Variants in DOK5 observed in about 807,000 individuals in gnomAD.
The protein encoded by DOK5 is docking protein 5, also known as downstream of tyrosine kinase 5.
A neutral mutation model predicts 43.3 loss-of-function variants in DOK5; 27 were observed. The observed-to-expected ratio is 0.62, with a 90% CI of 0.46 to 0.86. The LOEUF (loss-of-function observed/expected upper bound fraction) is 0.86, where lower values mean the gene tolerates loss of function less well. DOK5 is among the 40% of genes least tolerant of loss of function. The probability of loss-of-function intolerance (pLI) is 0.00; values close to 1 mark genes in which losing one functional copy is unlikely to be tolerated. For missense variants in DOK5, 373 were observed against 392.9 expected (o/e 0.95, Z 0.43); for synonymous variants, 146 against 140.1 (o/e 1.04, Z -0.30).
chr20:54,567,141 A>T (rs1985126804), intron 2 of DOK5, among the ~76,000 whole-genome samples: 1 of 151,538 alleles, frequency 6.6e-6, no homozygotes. Flanking sequence ...TTTTTCTTTC[A>T]CCCTCTTAAC....
intron 2 of DOK5, among the ~76,000 whole-genome samples, chr20:54,555,885 T>C (rs933081400): frequency 1.3e-5 from 2 of 152,242 alleles, no homozygotes; most frequent in African/African-American, 4.8e-5. Flanking sequence ...TAAAATTTTA[T>C]GCGAAACCAG....
intron 1 of DOK5, among the ~76,000 whole-genome samples, chr20:54,492,213 G>T (rs1161233512): frequency 6.6e-6 from 1 of 152,074 alleles, no homozygotes; most frequent in Non-Finnish European, 1.5e-5. Context: ...ACTTCCTGGG[G>T]TTAGTCATTC....
At chr20:54,645,300 TGCCC>T in intron 7 of DOK5, among the ~76,000 whole-genome samples, 4 of 134,814 alleles carry the variant, frequency 3.0e-5, no homozygotes, top group South Asian at 2.6e-4. Flanking sequence ...CAGTCCTCCA[TGCCC>T]GCTCTGAACC....
chr20:54,492,282 G>A (rs1227332190), intron 1 of DOK5, among the ~76,000 whole-genome samples: 8 of 152,202 alleles, frequency 5.3e-5, no homozygotes, highest in South Asian at 2.1e-4. Flanking sequence ...ATAAAAGTGC[G>A]TGTACTTGTG....
intron 1 of DOK5, among the ~76,000 whole-genome samples, chr20:54,524,457 C>T (rs1353432437): frequency 3.9e-5 from 6 of 152,190 alleles, no homozygotes; most frequent in Admixed American, 2.0e-4. Flanking sequence ...ACAGGCTCCT[C>T]TCGAATTATC....
chr20:54,637,967 A>G (rs187585094), intron 6 of DOK5, among the ~76,000 whole-genome samples: 236 of 152,238 alleles, frequency 1.6e-3, no homozygotes, highest in Non-Finnish European at 2.8e-3. Context: ...CTAAAAATAC[A>G]AATAATCAGC....
intron 1 of DOK5, among the ~76,000 whole-genome samples, chr20:54,496,738 G>T (rs192055849): frequency 5.8e-4 from 84 of 143,808 alleles, no homozygotes; most frequent in African/African-American, 2.0e-3. Flanking sequence ...TGCACTCCAG[G>T]CTGGGCGACA....
chr20:54,492,646 C>A (rs1982229218), intron 1 of DOK5, among the ~76,000 whole-genome samples: 1 of 151,382 alleles, frequency 6.6e-6, no homozygotes, highest in Non-Finnish European at 1.5e-5. Flanking sequence ...GAGGTTGTAC[C>A]AGGTACACTC....
intron 1 of DOK5, among the ~76,000 whole-genome samples, chr20:54,509,724 A>T (rs184201575): frequency 1.3e-5 from 2 of 152,320 alleles, no homozygotes; most frequent in African/African-American, 4.8e-5. Flanking sequence ...CTCTAATTAA[A>T]TTCTGTAAGT....
chr20:54,542,793 G>T (rs1984211261), intron 1 of DOK5, among the ~76,000 whole-genome samples: 3 of 152,188 alleles, frequency 2.0e-5, no homozygotes, highest in Admixed American at 2.0e-4. Context: ...GATTTTTATT[G>T]ATTTTTGCCC....
chr20:54,535,526 G>C (rs958273848), intron 1 of DOK5, among the ~76,000 whole-genome samples: 12 of 147,078 alleles, frequency 8.2e-5, no homozygotes, highest in Non-Finnish European at 1.3e-4. Flanking sequence ...CCTAATTTGG[G>C]ATTTTTTTTT....
chr20:54,522,485 G>A (rs941682613), intron 1 of DOK5, among the ~76,000 whole-genome samples: 6 of 151,880 alleles, frequency 4.0e-5, no homozygotes, highest in South Asian at 4.2e-4. Context: ...GAGAAGGAGA[G>A]AAAACAAAGT....
intron 1 of DOK5, among the ~76,000 whole-genome samples, chr20:54,481,131 C>CATCTGTCT (rs1981694799): frequency 4.3e-5 from 6 of 139,476 alleles, no homozygotes; most frequent in Non-Finnish European, 6.1e-5. Flanking sequence ...ATGTATCTAT[C>CATCTGTCT]ATCTATCTAT....
intron 1 of DOK5, among the ~76,000 whole-genome samples, chr20:54,492,592 G>C (rs1443065962): frequency 1.3e-5 from 2 of 150,550 alleles, no homozygotes; most frequent in Non-Finnish European, 2.9e-5. Flanking sequence ...TTACACAGTT[G>C]TGTACATTTA....
At chr20:54,579,184 T>G (rs1046964542) in intron 2 of DOK5, among the ~76,000 whole-genome samples, 2 of 152,222 alleles carry the variant, frequency 1.3e-5, no homozygotes, top group African/African-American at 4.8e-5. Context: ...GGTTGGTTTT[T>G]GTTTAAATAA....
intron 6 of DOK5, among the ~76,000 whole-genome samples, chr20:54,615,857 C>A (rs1432340135): frequency 6.6e-6 from 1 of 151,416 alleles, no homozygotes; most frequent in Non-Finnish European, 1.5e-5. Flanking sequence ...GCCAAGATTG[C>A]GCCACTGCAC....
chr20:54,627,825 A>C (rs1978370257), intron 6 of DOK5, among the ~76,000 whole-genome samples: 1 of 152,218 alleles, frequency 6.6e-6, no homozygotes, highest in Admixed American at 6.5e-5. Flanking sequence ...ACCAGGTAAC[A>C]TGCTTTCAGA....
At chr20:54,550,143 ACTC>A (rs1568778945) in intron 1 of DOK5, among the ~76,000 whole-genome samples, 22 of 149,872 alleles carry the variant, frequency 1.5e-4, no homozygotes, top group African/African-American at 5.0e-4. Flanking sequence ...TCTTAAAGTT[ACTC>A]ACTCTGGTCG....
At chr20:54,491,147 T>C (rs1982157934) in intron 1 of DOK5, among the ~76,000 whole-genome samples, 1 of 152,228 alleles carries the variant, frequency 6.6e-6, no homozygotes, top group African/African-American at 2.4e-5. Flanking sequence ...CTCACAACTG[T>C]AATGATTTCT....
Sources: allele counts gnomAD v4.1 joint callset (sites outside exome capture counted in the v4.1 genomes callset), GRCh38; gene constraint gnomAD v4.1.1; transcripts MANE v1.5; gene names NCBI Gene and HGNC (gene_info 2026-07-23, HGNC 2026-07-21).